Variants in RBFOX1 observed in about 807,000 individuals in gnomAD.
RBFOX1 encodes the protein RNA binding protein fox-1 homolog 1.
A neutral mutation model predicts 57.7 loss-of-function variants in RBFOX1; 8 were observed. The ratio of observed to expected loss-of-function variants is 0.14; its 90% confidence interval spans 0.08 to 0.25. RBFOX1 has a LOEUF of 0.25. Among genes scored for constraint, RBFOX1 ranks in the 10% least tolerant of loss-of-function variants. The pLI is 1.00. For synonymous variants in RBFOX1, 326 were observed against 222.4 expected, an observed-to-expected ratio of 1.47 and a Z score of -4.15; for missense variants, 611 against 548.5, an observed-to-expected ratio of 1.11 and a Z score of -1.14.
intron 1 of RBFOX1, among the ~76,000 whole-genome samples, chr16:5,323,567 G>A (rs1345274344): frequency 2.6e-5 from 4 of 152,246 alleles, no homozygotes; most frequent in Non-Finnish European, 5.9e-5. Flanking sequence ...CTTTGCTAGC[G>A]TCAGATTAAT....
At chr16:7,241,583 A>C (rs575700532) in intron 4 of RBFOX1, among the ~76,000 whole-genome samples, 1 of 152,164 alleles carries the variant, frequency 6.6e-6, no homozygotes, top group Non-Finnish European at 1.5e-5. Context: ...GCATTGCAAG[A>C]GGGTTACTTA....
chr16:5,927,284 T>G (rs1444670904), intron 4 of RBFOX1, among the ~76,000 whole-genome samples: 1 of 152,218 alleles, frequency 6.6e-6, no homozygotes, highest in Non-Finnish European at 1.5e-5. Flanking sequence ...AAGTTAAATA[T>G]ATATGTGTGT....
At chr16:7,019,249 G>A (rs1354299599) in intron 3 of RBFOX1, among the ~76,000 whole-genome samples, 2 of 151,996 alleles carry the variant, frequency 1.3e-5, no homozygotes, top group Admixed American at 1.3e-4. Flanking sequence ...TTTAGGTTTT[G>A]TTAGGTTGGT....
chr16:6,152,500 C>T (rs1027518771), intron 1 of RBFOX1, among the ~76,000 whole-genome samples: 2 of 152,174 alleles, frequency 1.3e-5, no homozygotes, highest in African/African-American at 2.4e-5. Context: ...GTCAGATCAG[C>T]TCAAGTTGGG....
At chr16:6,709,580 A>G (rs182004852) in intron 3 of RBFOX1, among the ~76,000 whole-genome samples, 43 of 152,306 alleles carry the variant, frequency 2.8e-4, no homozygotes, top group Non-Finnish European at 5.6e-4. Flanking sequence ...CTCATTTCCA[A>G]TGTAAGATTG....
chr16:5,597,501 G>C (rs2047225543), intron 2 of RBFOX1, among the ~76,000 whole-genome samples: 1 of 149,722 alleles, frequency 6.7e-6, no homozygotes. Context: ...CCAGGTTCAA[G>C]CGATTCTCCT....
intron 4 of RBFOX1, among the ~76,000 whole-genome samples, chr16:7,481,485 G>C (rs369565414): frequency 1.3e-5 from 2 of 152,186 alleles, no homozygotes; most frequent in African/African-American, 2.4e-5. Flanking sequence ...CTCTTTTGGT[G>C]AGTTAGCAAG....
intron 4 of RBFOX1, among the ~76,000 whole-genome samples, chr16:7,502,069 C>A (rs1411575246): frequency 6.6e-6 from 1 of 152,162 alleles, no homozygotes; most frequent in Non-Finnish European, 1.5e-5. Flanking sequence ...TCTTCCAAGT[C>A]CGACTATCAT....
chr16:6,448,191 G>C (rs867878585), intron 2 of RBFOX1, among the ~76,000 whole-genome samples: 1 of 95,604 alleles, frequency 1.0e-5, no homozygotes, highest in South Asian at 3.5e-4. Context: ...ATGGAATCCT[G>C]CTCTGTTGCC....
At chr16:5,856,563 A>ATGTG (rs1317876935) in intron 3 of RBFOX1, among the ~76,000 whole-genome samples, 7 of 66,924 alleles carry the variant, frequency 1.0e-4, no homozygotes, top group East Asian at 5.5e-4. Flanking sequence ...GTGTGTGTGT[A>ATGTG]TGTGTGTGTG....
At chr16:6,320,768 G>C (rs540457362) in intron 2 of RBFOX1, among the ~76,000 whole-genome samples, 101 of 135,164 alleles carry the variant, frequency 7.5e-4, no homozygotes, top group African/African-American at 2.3e-3. Context: ...TTCAAAAACT[G>C]TTATTAAAAA....
intron 2 of RBFOX1, among the ~76,000 whole-genome samples, chr16:6,428,618 A>T (rs1327082982): frequency 6.6e-6 from 1 of 152,210 alleles, no homozygotes; most frequent in African/African-American, 2.4e-5. Context: ...CTTAACACAC[A>T]CTGGATAATA....
At chr16:7,627,380 A>G (rs954852116) in intron 10 of RBFOX1, among the ~76,000 whole-genome samples, 1 of 152,168 alleles carries the variant, frequency 6.6e-6, no homozygotes, top group African/African-American at 2.4e-5. Flanking sequence ...CGTTCTGGCT[A>G]AAGAATGGGT....
At position 6,871,963 on chromosome 16, in the gene RBFOX1, T is replaced by TGTGTG. The variant is rs2060984786; in HGVS notation, c.-15-180094_-15-180093insGTGTG. ...TGTGTGTGTGTGTGTGTGTGTGTGTTTCCCTCGGTAGAGTATGGGGATCTC... is the reference window on the plus strand; with the variant it reads ...TGTGTGTGTGTGTGTGTGTGTGTGTTGTGTGTCCCTCGGTAGAGTATGGGGATCTC... On this transcript the variant is annotated intron_variant, in intron 3 of 15. Coordinates refer to ENST00000550418, the MANE Select transcript of RBFOX1 (RefSeq NM_018723.4). 1.1e-4 allele frequency among the ~76,000 whole-genome samples: 11 copies of TGTGTG among 98,246 alleles called. No individual in the cohort carries two copies. The South Asian group carries it at 2.9e-3, about 26-fold the overall frequency. The allele number at this position is 98,246 out of a possible 152,430, so 64.5% of individuals were successfully genotyped here. A position where few individuals can be genotyped will look rare whatever the true frequency, so the allele number is the denominator to read the frequency against.
rs73552751 is a variant in RBFOX1, at chr16:7,253,691, G to A, written c.27+201593G>A. Among the ~76,000 whole-genome samples, 902 of 152,090 alleles carry A rather than the reference G, an allele frequency of 5.9e-3. 17 individuals are homozygous for A. The highest frequency in any genetic ancestry group is 0.021 in the African/African-American group (868 of 41,516). On this transcript the variant is annotated intron_variant, in intron 4 of 15. Transcript: ENST00000550418. ...TTCTCCTTACCCTACTTCTCAGGTG[G>A]CCTAGAAACCCCTACTCCATCACCA...
Position 7,052,890 on chromosome 16 carries a change from A to T in RBFOX1, c.27+792A>T, listed in dbSNP as rs1379467689. On this transcript the variant is annotated intron_variant, in intron 4 of 15. Transcript: ENST00000550418. ...GGTGTATTTTTCATGTCACTAATGGAAGTTGGCAGTTTTTACTGGACAATG... is the reference window on the plus strand; with the variant it reads ...GGTGTATTTTTCATGTCACTAATGGTAGTTGGCAGTTTTTACTGGACAATG... 3.3e-5 allele frequency among the ~76,000 whole-genome samples: 5 copies of T among 152,306 alleles called. No individual in the cohort carries two copies. The East Asian group carries it at 7.7e-4, about 24-fold the overall frequency.
intron 3 of RBFOX1, among the ~76,000 whole-genome samples, chr16:5,679,409 A>G (rs1385283479): frequency 1.3e-5 from 2 of 151,860 alleles, no homozygotes; most frequent in African/African-American, 4.8e-5. Flanking sequence ...ATAGGTATAC[A>G]TGTGCCATGG....
intron 3 of RBFOX1, among the ~76,000 whole-genome samples, chr16:6,862,614 G>C (rs1259011914): frequency 6.6e-6 from 1 of 152,196 alleles, no homozygotes; most frequent in Non-Finnish European, 1.5e-5. Context: ...GAAGTGACAT[G>C]AATGAAGTAC....
intron 2 of RBFOX1, among the ~76,000 whole-genome samples, chr16:6,583,347 C>A (rs1207165186): frequency 6.6e-6 from 1 of 152,114 alleles, no homozygotes; most frequent in African/African-American, 2.4e-5. Flanking sequence ...GGGTTGCGTG[C>A]AGAGCAATGG....
Sources: allele counts gnomAD v4.1 joint callset (sites outside exome capture counted in the v4.1 genomes callset), GRCh38; gene constraint gnomAD v4.1.1; transcripts MANE v1.5; gene names NCBI Gene and HGNC (gene_info 2026-07-23, HGNC 2026-07-21).